Variants in STK32C observed in about 807,000 individuals in gnomAD.
STK32C encodes serine/threonine kinase 32C.
A neutral mutation model predicts 56.5 loss-of-function variants in STK32C; 31 were observed. That is an observed-to-expected ratio of 0.55 (90% CI 0.41 to 0.74). The LOEUF (loss-of-function observed/expected upper bound fraction) is 0.74. Ranked by LOEUF, STK32C falls within the 30% of genes least tolerant of loss-of-function variation. The pLI, the probability that STK32C is intolerant of heterozygous loss-of-function variation, is 0.00. For synonymous variants in STK32C, 309 were observed against 289.4 expected, an observed-to-expected ratio of 1.07 and a Z score of -0.69; for missense variants, 544 against 676.9, an observed-to-expected ratio of 0.80 and a Z score of 2.18.
chr10:132,246,758 G>C (rs1256947006), intron 1 of STK32C, among the ~76,000 whole-genome samples: 1 of 152,096 alleles, frequency 6.6e-6, no homozygotes, highest in Non-Finnish European at 1.5e-5. Flanking sequence ...GACATTCTCC[G>C]TACACATAAG....
At chr10:132,235,492 CT>C (rs1188189670) in intron 2 of STK32C, among the ~76,000 whole-genome samples, 3 of 12,438 alleles carry the variant, frequency 2.4e-4, no homozygotes, top group East Asian at 1.9e-3. Context: ...AAGACTCAGC[CT>C]TAAAAAAAAA....
Position 132,282,203 on chromosome 10 carries a change from C to T in STK32C, c.262+25369G>A, listed in dbSNP as rs1029295201. ...CCAGTGCAGGACCAAGGTGCGCCAA[C>T]CAGCCCGCACCACGCCCGAGAGGCT... On this transcript the variant is annotated intron_variant, in intron 1 of 11. Coordinates refer to ENST00000298630, the MANE Select transcript of STK32C (RefSeq NM_173575.4). Among the ~76,000 whole-genome samples the T allele has an allele frequency of 5.3e-5, 8 of 152,282 alleles. No individual in the cohort carries two copies. The East Asian group carries it at 1.2e-3, about 22-fold the overall frequency.
intron 1 of STK32C, among the ~76,000 whole-genome samples, chr10:132,252,866 C>T (rs888522978): frequency 5.3e-5 from 8 of 152,196 alleles, no homozygotes; most frequent in African/African-American, 1.9e-4. Context: ...GTGACCCGAG[C>T]GTGGGGCCGC....
At chr10:132,326,175 G>C (rs529750553) in intron 1 of STK32C, among the ~76,000 whole-genome samples, 1 of 152,228 alleles carries the variant, frequency 6.6e-6, no homozygotes, top group South Asian at 2.1e-4. Flanking sequence ...ACAAATCTCC[G>C]CCCCACAAAA....
At chr10:132,256,813 G>A (rs1264280927) in intron 1 of STK32C, among the ~76,000 whole-genome samples, 6 of 152,174 alleles carry the variant, frequency 3.9e-5, no homozygotes, top group Admixed American at 2.6e-4. Flanking sequence ...GGGGCTGCCC[G>A]CCCAGAGGCA....
rs114092080 is a variant in STK32C at position 132,229,038 on chromosome 10, G to A, written c.319-910C>T. Among the ~76,000 whole-genome samples the A allele has an allele frequency of 2.5e-3, 385 of 152,346 alleles. 1 individual carries two copies. Among genetic ancestry groups the A allele is most frequent in the African/African-American group, 8.9e-3 (370 of 41,586 alleles). ...GCAGTGAGGATGAGAGTGAGGTGAC[G>A]GGTGAGAAGCATCAATGAGCAGGGG... On this transcript the variant is annotated intron_variant, in intron 2 of 11. Coordinates refer to ENST00000298630, the MANE Select transcript of STK32C (RefSeq NM_173575.4).
intron 1 of STK32C, chr10:132,331,383 G>T (rs2066726491): frequency 6.5e-7 from 1 of 1,542,462 alleles, no homozygotes; most frequent in Non-Finnish European, 8.8e-7. Flanking sequence ...CCTCCCGCCC[G>T]GTGTCATTTC....
At chr10:132,278,693 G>A (rs2065061619) in intron 1 of STK32C, among the ~76,000 whole-genome samples, 1 of 150,722 alleles carries the variant, frequency 6.6e-6, no homozygotes, top group Admixed American at 6.6e-5. Context: ...CCGGGAGGCG[G>A]AGCTTGCAGT....
At chr10:132,299,203 C>G (rs1349796516) in intron 1 of STK32C, among the ~76,000 whole-genome samples, 1 of 146,762 alleles carries the variant, frequency 6.8e-6, no homozygotes, top group African/African-American at 2.6e-5. Context: ...GCAGCACAGA[C>G]AGCTAGTCCA....
chr10:132,317,498 T>C (rs565289439), intron 1 of STK32C, among the ~76,000 whole-genome samples: 22 of 152,282 alleles, frequency 1.4e-4, no homozygotes, highest in African/African-American at 4.1e-4. Flanking sequence ...CCAGAACATA[T>C]AGGACACTTG....
chr10:132,208,179 G>A (rs948375884), intron 11 of STK32C, 28 bp from the exon 12 acceptor site: 10 of 1,306,262 alleles, frequency 7.7e-6, no homozygotes, highest in South Asian at 3.3e-5. Flanking sequence ...CATGGAGGGC[G>A]TTATGCCCCC....
chr10:132,215,769 C>T (rs986156041), intron 10 of STK32C, among the ~76,000 whole-genome samples: 1 of 152,178 alleles, frequency 6.6e-6, no homozygotes, highest in African/African-American at 2.4e-5. Flanking sequence ...GGGTAATAGG[C>T]AGAGGCTGGA....
rs1263679532 is a variant in STK32C at position 132,225,728 on chromosome 10, C to A, written c.682+19G>T. On this transcript the variant is annotated intron_variant, in intron 5 of 11. Transcript: ENST00000298630. ...CCTGCCACCACCCACCTGGGCTGCC[C>A]ACACCCAACCCCACACACCTCTCTC... 1 of 1,613,992 alleles carries A rather than the reference C, an allele frequency of 6.2e-7. No individual in the cohort carries two copies. Among genetic ancestry groups the A allele is most frequent in the Non-Finnish European group, 8.5e-7 (1 of 1,180,006 alleles).
intron 10 of STK32C, among the ~76,000 whole-genome samples, chr10:132,222,226 C>T (rs572018272): frequency 3.4e-4 from 51 of 149,070 alleles, no homozygotes; most frequent in South Asian, 6.9e-4. Context: ...ATGGCCGTCC[C>T]CACACACACA....
At chr10:132,287,136 C>T (rs538269201) in intron 1 of STK32C, among the ~76,000 whole-genome samples, 1 of 152,218 alleles carries the variant, frequency 6.6e-6, no homozygotes, top group East Asian at 1.9e-4. Flanking sequence ...GGAAACGGTG[C>T]TGAGAAAAAT....
chr10:132,211,056 C>A (rs1041440973), intron 10 of STK32C, among the ~76,000 whole-genome samples: 41 of 152,354 alleles, frequency 2.7e-4, no homozygotes, highest in Admixed American at 1.6e-3. Context: ...CCATGTGGCT[C>A]TCTCCCTCCA....
chr10:132,225,265 C>T lies in STK32C; in HGVS notation c.844G>A (p.Gly282Arg). ...CGCAGCAGCTCATAGGCCATCACCC[C>T]CACCGACCACCAGTCCACCTCGAAG... The part of the protein sequence containing the change: ...YSFEVDWWSV[G>R]VMAYELLRGW... The change falls in exon 7 of 12, where the codon GGG (glycine) becomes AGG (arginine). Residue 282 changes from glycine to arginine, a missense_variant. This residue lies in a region of STK32C where 277 missense variants were observed against 309.3 expected (regional missense o/e 0.90). Coordinates refer to ENST00000298630, the MANE Select transcript of STK32C (RefSeq NM_173575.4). The T allele has an allele frequency of 6.2e-7, 1 of 1,611,740 alleles. No homozygotes were observed. The highest frequency in any genetic ancestry group is 8.5e-7 in the Non-Finnish European group (1 of 1,179,250).
Position 132,307,767 on chromosome 10 carries a change from G to C in STK32C, c.67C>G (p.Arg23Gly). 1.0e-6 allele frequency: 1 copy of C among 999,326 alleles called. No individual in the cohort carries two copies. 61.9% of individuals were successfully genotyped at this position (999,326 alleles called of 1,614,324 possible). The change falls in exon 1 of 12, where the codon CGC becomes GGC. Residue 23 changes from arginine to glycine, a missense_variant. Around this residue, in one of 3 missense-constraint regions of STK32C, gnomAD observed 182 missense variants for 217.7 expected, o/e 0.84. Coordinates refer to ENST00000298630, the MANE Select transcript of STK32C (RefSeq NM_173575.4). This position sits in a 1 kb window ranked among gnomAD's most constrained non-coding sequence, Gnocchi z 4.4. The part of the protein sequence containing the change: ...AASPGSPPPG[R>G]ARPAGSDAPS... ...GCGTCGGAGCCGGCGGGGCGCGCGC[G>C]GCCGGGGGGCGGCGAGCCCGGGGAC...
At chr10:132,322,230 T>C (rs1353233320), downstream of STK32C, among the ~76,000 whole-genome samples, 1 of 152,250 alleles carries the variant, frequency 6.6e-6, no homozygotes, top group Non-Finnish European at 1.5e-5. Flanking sequence ...TATTGGTTTA[T>C]ATCTTTTTAC....
Sources: allele counts gnomAD v4.1 joint callset (sites outside exome capture counted in the v4.1 genomes callset), GRCh38; gene constraint gnomAD v4.1.1; regional missense constraint gnomAD v4.1.1; non-coding constraint Gnocchi (gnomAD v3.1); transcripts MANE v1.5; gene names NCBI Gene and HGNC (gene_info 2026-07-23, HGNC 2026-07-21).